The following RHOU variants were observed in gnomAD, a reference collection of about 807,000 sequenced individuals.
RHOU encodes rho-related GTP-binding protein RhoU.
In RHOU, 8 loss-of-function variants were observed where a neutral mutation model predicts 12.6. That is an observed-to-expected ratio of 0.64 (90% CI 0.37 to 1.15). RHOU has a LOEUF of 1.15. Ranked by LOEUF, RHOU falls within the 50% of genes most tolerant of loss-of-function variation. The pLI is 0.01. For synonymous variants in RHOU, 161 were observed against 147.4 expected, an observed-to-expected ratio of 1.09 and a Z score of -0.67; for missense variants, 258 against 347.0, an observed-to-expected ratio of 0.74 and a Z score of 2.04.
chr1:228,682,151 G>T, the RHOU span, among the ~76,000 whole-genome samples: 3 of 152,240 alleles, frequency 2.0e-5, no homozygotes, highest in Non-Finnish European at 4.4e-5. Flanking sequence ...GACTTGGAAG[G>T]ACAGGGAGAT....
the RHOU span, among the ~76,000 whole-genome samples, chr1:228,726,383 A>T: frequency 6.6e-6 from 1 of 152,056 alleles, no homozygotes; most frequent in Non-Finnish European, 1.5e-5. Context: ...CTCTGCTCTA[A>T]GGCCGGGCGC....
At chr1:228,677,366 AG>A in the RHOU span, among the ~76,000 whole-genome samples, 1 of 152,174 alleles carries the variant, frequency 6.6e-6, no homozygotes, top group Non-Finnish European at 1.5e-5. Flanking sequence ...AGAGTGTCAA[AG>A]GGGGTTCAGC....
chr1:228,739,291 C>G (rs547492602), intron 2 of RHOU, among the ~76,000 whole-genome samples: 2 of 152,084 alleles, frequency 1.3e-5, no homozygotes, highest in African/African-American at 4.8e-5. Context: ...GCCAGCCAGG[C>G]GCGGTTGCTC....
At chr1:228,731,825 C>T (rs1423004035), upstream of RHOU, among the ~76,000 whole-genome samples, 1 of 152,032 alleles carries the variant, frequency 6.6e-6, no homozygotes, top group Admixed American at 6.6e-5. Flanking sequence ...TGGAGGGCCT[C>T]AGAGAGACAA....
chr1:228,687,319 T>C, the RHOU span: 1 of 679,976 alleles, frequency 1.5e-6, no homozygotes, highest in Non-Finnish European at 2.6e-6. Context: ...GGTTACCAAA[T>C]TTCTTTATTT....
the RHOU span, among the ~76,000 whole-genome samples, chr1:228,685,169 A>G: frequency 2.2e-4 from 33 of 152,204 alleles, no homozygotes; most frequent in Non-Finnish European, 3.5e-4. Flanking sequence ...TCTCATTGCC[A>G]TCTTGGTATT....
the RHOU span, among the ~76,000 whole-genome samples, chr1:228,713,155 G>A: frequency 2.0e-5 from 3 of 152,100 alleles, no homozygotes; most frequent in Non-Finnish European, 4.4e-5. Flanking sequence ...CTGATGGCAG[G>A]CAACTCCTAG....
chr1:228,658,937 C>A, the RHOU span, among the ~76,000 whole-genome samples: 2 of 152,078 alleles, frequency 1.3e-5, no homozygotes, highest in Admixed American at 1.3e-4. Context: ...ATAAATGCAC[C>A]CTTGCAGTTC....
the RHOU span, among the ~76,000 whole-genome samples, chr1:228,657,866 T>C: frequency 6.6e-6 from 1 of 152,156 alleles, no homozygotes; most frequent in East Asian, 1.9e-4. Flanking sequence ...AAATCAATAA[T>C]AGAAGTAAAA....
chr1:228,687,197 C>T, the RHOU span, among the ~76,000 whole-genome samples: 1 of 152,194 alleles, frequency 6.6e-6, no homozygotes, highest in African/African-American at 2.4e-5. Flanking sequence ...ACCGGCACTG[C>T]CTCCACCCAG....
chr1:228,736,931 T>TC (rs934093316), intron 1 of RHOU, among the ~76,000 whole-genome samples: 3 of 147,194 alleles, frequency 2.0e-5, no homozygotes, highest in Non-Finnish European at 4.5e-5. Context: ...TATTGTTTCT[T>TC]CCCCTCCCCC....
At chr1:228,653,571 G>A in the RHOU span, among the ~76,000 whole-genome samples, 4 of 152,026 alleles carry the variant, frequency 2.6e-5, no homozygotes, top group South Asian at 2.1e-4. Context: ...CACCCACTTC[G>A]GCCTCCCAAA....
the RHOU span, among the ~76,000 whole-genome samples, chr1:228,649,190 T>TAGA: frequency 6.6e-6 from 1 of 152,222 alleles, no homozygotes; most frequent in Admixed American, 6.5e-5. Flanking sequence ...AAAAGCCATG[T>TAGA]ATTACCCTGT....
the RHOU span, among the ~76,000 whole-genome samples, chr1:228,700,735 A>G: frequency 2.0e-5 from 3 of 152,230 alleles, no homozygotes; most frequent in Non-Finnish European, 4.4e-5. Flanking sequence ...TCATAAAAAT[A>G]TAACTCAAAG....
At chr1:228,675,944 A>C in the RHOU span, among the ~76,000 whole-genome samples, 1 of 152,162 alleles carries the variant, frequency 6.6e-6, no homozygotes, top group Admixed American at 6.5e-5. Context: ...TCAGAAAAAA[A>C]AAAGGAAAAA....
At chr1:228,656,218 A>G in the RHOU span, among the ~76,000 whole-genome samples, 1 of 152,100 alleles carries the variant, frequency 6.6e-6, no homozygotes. Context: ...CAGTGGCACA[A>G]TCATGGCTCA....
the RHOU span, among the ~76,000 whole-genome samples, chr1:228,651,824 C>T: frequency 3.9e-5 from 6 of 152,190 alleles, no homozygotes; most frequent in South Asian, 2.1e-4. Context: ...TGTCTGTCTC[C>T]GTTGCTTCAG....
the RHOU span, among the ~76,000 whole-genome samples, chr1:228,707,253 ATAGTGTGTGTGTGTGT>A: frequency 0.024 from 1,855 of 77,044 alleles, 22 homozygotes; most frequent in East Asian, 0.034. Context: ...ATATATATAT[ATAGTGTGTGTGTGTGT>A]GTGTGTGTGT....
At position 228,738,602 on chromosome 1, in the gene RHOU, G is replaced by T. The variant is rs1243281148; in HGVS notation, c.321+871G>T. ...CACATGACTATCTGTGTTTATGAAG[G>T]CACTGGCTTTCCACTGCCCCCCAGA... On this transcript the variant is annotated intron_variant, in intron 2 of 2. Coordinates refer to ENST00000366691, the MANE Select transcript of RHOU (RefSeq NM_021205.6). This position sits in a 1 kb window ranked among gnomAD's most constrained non-coding sequence, Gnocchi z 4.2. Among the ~76,000 whole-genome samples the T allele has an allele frequency of 1.3e-5, 2 of 152,288 alleles. No individual in the cohort carries two copies. Among genetic ancestry groups the T allele is most frequent in the Non-Finnish European group, 1.5e-5 (1 of 68,024 alleles).
Sources: gnomAD v4.1 joint callset for allele counts (sites outside exome capture counted in the v4.1 genomes callset) on GRCh38, gnomAD v4.1.1 for gene constraint, Gnocchi (gnomAD v3.1) non-coding constraint, MANE v1.5 for transcripts, NCBI Gene and HGNC (gene_info 2026-07-23, HGNC 2026-07-21) for gene names.